The following POLR1A variants were observed in gnomAD, a reference collection of about 807,000 sequenced individuals.
POLR1A encodes DNA-directed RNA polymerase I subunit RPA1.
Under a neutral mutation model 205.3 loss-of-function variants are expected in POLR1A, and 84 were observed. The observed-to-expected ratio is 0.41, with a 90% CI of 0.34 to 0.49. The LOEUF (loss-of-function observed/expected upper bound fraction) is 0.49. Among genes scored for constraint, POLR1A ranks in the 20% least tolerant of loss-of-function variants. The pLI, the probability that POLR1A is intolerant of heterozygous loss-of-function variation, is 0.22. For synonymous variants in POLR1A, 799 were observed against 863.7 expected, an observed-to-expected ratio of 0.93 and a Z score of 1.31; for missense variants, 1,645 against 2,204.5, an observed-to-expected ratio of 0.75 and a Z score of 5.08.
chr2:86,028,603 C>T lies in POLR1A; in HGVS notation c.4888G>A (p.Ala1630Thr). The T allele has an allele frequency of 6.2e-7, 1 of 1,613,212 alleles. No individual in the cohort carries two copies. Among genetic ancestry groups the T allele is most frequent in the Non-Finnish European group, 8.5e-7 (1 of 1,179,104 alleles). Reference sequence around the variant, plus strand: ...TGCAAGCTCCCCTTACCATACACGGCAAACACATCCTTGATCTCCTTCTCG... The same window carrying T: ...TGCAAGCTCCCCTTACCATACACGGTAAACACATCCTTGATCTCCTTCTCG... ...VIEKEIKDVF[A>T]VYGIAVDPRH... Residue 1630 changes from alanine to threonine, a missense_variant, in exon 32 of 34, where the codon GCC (alanine) becomes ACC (threonine). Transcript: ENST00000263857. This position sits in a 1 kb window ranked among gnomAD's most constrained non-coding sequence, Gnocchi z 4.5.
In POLR1A at chr2:86,022,908, C is replaced by A. The variant is rs932948276; in HGVS notation, c.*4515G>T. 3 of 151,672 alleles carry A rather than the reference C, an allele frequency of 2.0e-5. No individual in the cohort carries two copies. The highest frequency in any genetic ancestry group is 4.4e-5 in the Non-Finnish European group (3 of 67,934). The allele number at this position is 151,672 out of a possible 1,614,324, so 9.4% of individuals were successfully genotyped here. On this transcript the variant is annotated 3_prime_UTR_variant, in exon 34 of 34. Coordinates refer to ENST00000263857, the MANE Select transcript of POLR1A (RefSeq NM_015425.6). ...ATCAATCTTTTTTTTTTTCCTAAGA[C>A]GGAGTCTCACTCTGTTGCCCAGGCT...
At chr2:86,075,346 T>C in intron 11 of POLR1A, 86 bp from the exon 12 acceptor site, 2 of 962,530 alleles carry the variant, frequency 2.1e-6, no homozygotes, top group Non-Finnish European at 3.2e-6. Flanking sequence ...CAGGCTGTCT[T>C]TTCACCCAAG....
At chr2:86,034,914 A>G (rs147729102) in intron 27 of POLR1A, among the ~76,000 whole-genome samples, 1,789 of 151,756 alleles carry the variant, frequency 0.012, 45 homozygotes, top group African/African-American at 0.041. Flanking sequence ...TCTATCCCCC[A>G]GGCTGGAGTG....
At chr2:86,071,160 G>A (rs1418820026) in intron 12 of POLR1A, among the ~76,000 whole-genome samples, 1 of 146,378 alleles carries the variant, frequency 6.8e-6, no homozygotes, top group Non-Finnish European at 1.5e-5. Context: ...AAACCCAGGT[G>A]GCATGTGACA....
intron 12 of POLR1A, among the ~76,000 whole-genome samples, chr2:86,073,447 G>T (rs1226832632): frequency 6.6e-6 from 1 of 152,130 alleles, no homozygotes. Context: ...GCTTGCTAAG[G>T]CCTGAGAGAG....
rs767990090 is a variant in POLR1A, at chr2:86,044,312, G to A, written c.2970-8C>T. On this transcript the variant is annotated splice_region_variant and splice_polypyrimidine_tract_variant and intron_variant, in intron 21 of 33. Transcript: ENST00000263857. ...AGGTGCTTGATGATGCACCTGTAAG[G>A]ACACCATCGGCTCAGTCCCCGCCGG... 4.2e-5 allele frequency: 67 copies of A among 1,613,988 alleles called. No individual in the cohort carries two copies. Among genetic ancestry groups the A allele is most frequent in the Non-Finnish European group, 1.5e-5 (18 of 1,180,006 alleles).
At chr2:86,079,626 G>C (rs147299092) in intron 9 of POLR1A, among the ~76,000 whole-genome samples, 124 of 152,110 alleles carry the variant, frequency 8.2e-4, no homozygotes, top group African/African-American at 2.9e-3. Flanking sequence ...GCAGTGGTGC[G>C]ATCACAGCTC....
intron 27 of POLR1A, among the ~76,000 whole-genome samples, chr2:86,037,577 C>T (rs1672523536): frequency 6.6e-6 from 1 of 152,248 alleles, no homozygotes; most frequent in Admixed American, 6.5e-5. Flanking sequence ...GAGCTTTCTG[C>T]TTCTGCTCTG....
chr2:86,101,062 A>G (rs1673811415), intron 1 of POLR1A, among the ~76,000 whole-genome samples: 1 of 152,220 alleles, frequency 6.6e-6, no homozygotes, highest in African/African-American at 2.4e-5. Context: ...GAAATAGTAA[A>G]TTTGACAACA....
In POLR1A at chr2:86,031,578, C is replaced by T. The variant is rs201937585; in HGVS notation, c.4330G>A (p.Asp1444Asn). The change falls in exon 30 of 34, where the codon GAC becomes AAC. Residue 1444 changes from aspartate to asparagine, a missense_variant. Around this residue, in one of 16 missense-constraint regions of POLR1A, gnomAD observed 394 missense variants for 468.5 expected, o/e 0.84. Transcript: ENST00000263857. ...EREGEENDDE[D>N]MQEERNPHRE... is the part of the protein sequence containing the mutation. ...TGGGGATTTCGTTCCTCCTGCATGT[C>T]TTCATCGTCGTTCTCCTCGCCCTCC... The T allele has an allele frequency of 1.9e-6, 3 of 1,613,864 alleles. No individual in the cohort carries two copies. The highest frequency in any genetic ancestry group is 1.1e-5 in the South Asian group (1 of 91,070).
chr2:86,026,958 G>GTAAAAAA lies in POLR1A; in HGVS notation c.*464_*465insTTTTTTA. 5.6e-6 allele frequency: 1 copy of GTAAAAAA among 178,920 alleles called. No homozygotes were observed. Among genetic ancestry groups the GTAAAAAA allele is most frequent in the Non-Finnish European group, 1.2e-5 (1 of 82,346 alleles). The allele number at this position is 178,920 out of a possible 1,614,324, so 11.1% of individuals were successfully genotyped here. The stretch of plus-strand genomic sequence containing the variant: ...AGCAGGCTCCACGTTCCTGCTCATC[G>GTAAAAAA]GGAGCCCCCAGGAATCTTGTCTGTT... On this transcript the variant is annotated 3_prime_UTR_variant, in exon 34 of 34. Transcript: ENST00000263857.
At chr2:86,046,838 C>A (rs772481898) in intron 19 of POLR1A, among the ~76,000 whole-genome samples, 1 of 151,472 alleles carries the variant, frequency 6.6e-6, no homozygotes, top group Non-Finnish European at 1.5e-5. Context: ...CGAAAAAAAA[C>A]GAAAGAAAGA....
At chr2:86,086,951 A>G (rs1384775767) in intron 6 of POLR1A, among the ~76,000 whole-genome samples, 2 of 152,254 alleles carry the variant, frequency 1.3e-5, no homozygotes, top group Non-Finnish European at 2.9e-5. Context: ...TTACAGTGTT[A>G]ACTACCAACC....
chr2:86,099,465 T>C (rs1201017843), intron 2 of POLR1A, among the ~76,000 whole-genome samples: 2 of 151,410 alleles, frequency 1.3e-5, no homozygotes, highest in African/African-American at 4.9e-5. Context: ...GGAGGTGAGG[T>C]TAGCTGAAAT....
At chr2:86,065,596 A>G (rs1466468412) in intron 13 of POLR1A, 131 bp from the exon 14 acceptor site, 2 of 714,776 alleles carry the variant, frequency 2.8e-6, no homozygotes, top group East Asian at 2.7e-5. Flanking sequence ...TCTTGCCCAC[A>G]TCCTCACTAT....
In POLR1A at chr2:86,075,015, G is replaced by A. The variant is rs545031318; in HGVS notation, c.1611+15C>T. 10 of 1,571,976 alleles carry A rather than the reference G, an allele frequency of 6.4e-6. No homozygotes were observed. The South Asian group carries it at 1.1e-4, about 18-fold the overall frequency. On this transcript the variant is annotated intron_variant, in intron 12 of 33. Transcript: ENST00000263857. ...GGAGCCGGATGGGTCCCTGACCAAA[G>A]CTGCCCTTACTCACAATTTTTGTCC...
In POLR1A at chr2:86,100,955, C is replaced by T. The variant is rs539602808; in HGVS notation, c.78-783G>A. 9.9e-5 allele frequency among the ~76,000 whole-genome samples: 15 copies of T among 152,228 alleles called. No homozygotes were observed. In the South Asian group the frequency reaches 2.9e-3, roughly 29 times the overall value. On this transcript the variant is annotated intron_variant, in intron 1 of 33. Transcript: ENST00000263857. ...TGATTGAATCCAGGTGACACAAATACAAACAGAATGTGGGGGAGGCAGGAT... is the reference window on the plus strand; with the variant it reads ...TGATTGAATCCAGGTGACACAAATATAAACAGAATGTGGGGGAGGCAGGAT...
At position 86,099,981 on chromosome 2, in the gene POLR1A, G is replaced by C. The variant is rs1673782830; in HGVS notation, c.269C>G (p.Pro90Arg). ...GGCAGCACTTACATCGAAGAGGAGA[G>C]GGTTATACACTGTGAGTGGGAGCTC... is the stretch of plus-strand genomic sequence containing the variant. ...HIELPLTVYNPLLFDKLYLLL... is the reference protein window; with the variant it reads ...HIELPLTVYNRLLFDKLYLLL... Residue 90 changes from proline to arginine, a missense_variant, in exon 2 of 34, where the codon CCT (proline) becomes CGT (arginine). By Grantham distance (103) the Pro-to-Arg change is moderately radical. Around this residue, in one of 16 missense-constraint regions of POLR1A, gnomAD observed 330 missense variants for 375.6 expected, o/e 0.88. Coordinates refer to ENST00000263857, the MANE Select transcript of POLR1A (RefSeq NM_015425.6). 1 of 1,613,764 alleles carries C rather than the reference G, an allele frequency of 6.2e-7. No homozygotes were observed. Among genetic ancestry groups the C allele is most frequent in the African/African-American group, 1.3e-5 (1 of 74,890 alleles).
rs1366844910 is a variant in POLR1A at position 86,022,359 on chromosome 2, CACTT to C, written c.*5060_*5063del. On this transcript the variant is annotated 3_prime_UTR_variant, in exon 34 of 34. Transcript: ENST00000263857. ...ATGACAGCTTTACTGCACGTGCACTCACTTGAGGGCAGAGATCAGATCTTAAGAT... is the reference window on the plus strand; with the variant it reads ...ATGACAGCTTTACTGCACGTGCACTCGAGGGCAGAGATCAGATCTTAAGAT... The C allele has an allele frequency of 1.3e-5, 2 of 152,214 alleles. No homozygotes were observed. Among genetic ancestry groups the C allele is most frequent in the African/African-American group, 2.4e-5 (1 of 41,444 alleles). 9.4% of individuals were successfully genotyped at this position (152,214 alleles called of 1,614,324 possible).
Sources: gnomAD v4.1 joint callset for allele counts (sites outside exome capture counted in the v4.1 genomes callset) on GRCh38, gnomAD v4.1.1 for gene constraint, gnomAD v4.1.1 regional missense constraint, Gnocchi (gnomAD v3.1) non-coding constraint, MANE v1.5 for transcripts, NCBI Gene and HGNC (gene_info 2026-07-23, HGNC 2026-07-21) for gene names.